Variants in NAALADL2 observed in about 807,000 individuals in gnomAD.
The protein encoded by NAALADL2 is N-acetylated alpha-linked acidic dipeptidase like 2, also known as inactive N-acetylated-alpha-linked acidic dipeptidase-like protein 2.
Under a neutral mutation model 87.2 loss-of-function variants are expected in NAALADL2, and 76 were observed. The ratio of observed to expected loss-of-function variants is 0.87; its 90% CI spans 0.72 to 1.05. NAALADL2 has a LOEUF of 1.05. Among genes scored for constraint, NAALADL2 ranks in the 50% least tolerant of loss-of-function variants. The pLI is 0.00. For missense variants in NAALADL2, 1,089 were observed against 945.8 expected, an observed-to-expected ratio of 1.15 and a Z score of -1.99; for synonymous variants, 354 against 331.0, an observed-to-expected ratio of 1.07 and a Z score of -0.75.
At chr3:174,939,101 G>A (rs1241082813) in intron 1 of NAALADL2, among the ~76,000 whole-genome samples, 1 of 152,042 alleles carries the variant, frequency 6.6e-6, no homozygotes, top group Non-Finnish European at 1.5e-5. Context: ...ATCCAGGATG[G>A]TATTGCCTAG....
chr3:175,486,245 C>T (rs1343014145), intron 9 of NAALADL2, among the ~76,000 whole-genome samples: 1 of 152,162 alleles, frequency 6.6e-6, no homozygotes, highest in African/African-American at 2.4e-5. Flanking sequence ...AAGGGAATAA[C>T]ATATTACCTT....
At chr3:174,463,143 G>A (rs1053410554) in intron 1 of NAALADL2, among the ~76,000 whole-genome samples, 1 of 152,196 alleles carries the variant, frequency 6.6e-6, no homozygotes, top group Non-Finnish European at 1.5e-5. Context: ...ATCTGCAGGG[G>A]AGGTTTGCAG....
intron 13 of NAALADL2, among the ~76,000 whole-genome samples, chr3:175,756,539 G>A (rs1747283687): frequency 6.6e-6 from 1 of 152,088 alleles, no homozygotes; most frequent in Non-Finnish European, 1.5e-5. Flanking sequence ...GGATAGAGCT[G>A]GAGGCCATTA....
intron 9 of NAALADL2, among the ~76,000 whole-genome samples, chr3:175,541,292 G>A (rs2149469264): frequency 6.6e-6 from 1 of 152,276 alleles, no homozygotes; most frequent in South Asian, 2.1e-4. Context: ...CTCAATTTAT[G>A]ATGGAGTTAT....
chr3:174,558,745 T>C (rs1378761268), intron 2 of NAALADL2, among the ~76,000 whole-genome samples: 4 of 152,142 alleles, frequency 2.6e-5, no homozygotes, highest in African/African-American at 9.7e-5. Flanking sequence ...TAACAGGCCA[T>C]GGACTGATCC....
chr3:175,131,406 C>T (rs1315914394), intron 2 of NAALADL2, among the ~76,000 whole-genome samples: 5 of 152,060 alleles, frequency 3.3e-5, no homozygotes, highest in East Asian at 3.9e-4. Context: ...CATCTTGCAC[C>T]GCCCTTAATC....
intron 1 of NAALADL2, among the ~76,000 whole-genome samples, chr3:174,926,489 A>G (rs769919450): frequency 1.3e-5 from 2 of 152,232 alleles, no homozygotes; most frequent in African/African-American, 2.4e-5. Flanking sequence ...GAAGCCCATC[A>G]GACTAACAGT....
intron 2 of NAALADL2, among the ~76,000 whole-genome samples, chr3:174,564,296 A>G (rs887852180): frequency 3.3e-5 from 5 of 152,084 alleles, no homozygotes; most frequent in African/African-American, 1.2e-4. Context: ...ATCCTTTGGG[A>G]AAAAACATGC....
Position 175,804,776 on chromosome 3 carries a change from G to A in NAALADL2, c.*1573G>A, listed in dbSNP as rs940180747. The A allele has an allele frequency of 6.6e-6, 1 of 151,694 alleles. No homozygotes were observed. Among genetic ancestry groups the A allele is most frequent in the African/African-American group, 2.4e-5 (1 of 41,326 alleles). 9.4% of individuals were successfully genotyped at this position (151,694 alleles called of 1,614,324 possible). A position where few individuals can be genotyped will look rare whatever the true frequency, so the allele number is the denominator to read the frequency against. ...CAATACTGATTAATTGATTTATAAG[G>A]TTCAACACTGTCTACCCTAAATAAT... On this transcript the variant is annotated 3_prime_UTR_variant, in exon 14 of 14. Coordinates refer to ENST00000454872, the MANE Select transcript of NAALADL2 (RefSeq NM_207015.3).
intron 9 of NAALADL2, among the ~76,000 whole-genome samples, chr3:175,484,898 T>C (rs1356552170): frequency 6.6e-6 from 1 of 152,152 alleles, no homozygotes; most frequent in African/African-American, 2.4e-5. Context: ...TTCTTATCAG[T>C]GTGCTCTTTG....
chr3:175,013,162 A>AT (rs1430502994), intron 1 of NAALADL2, among the ~76,000 whole-genome samples: 7 of 126,964 alleles, frequency 5.5e-5, no homozygotes, highest in South Asian at 2.3e-4. Flanking sequence ...TTTATATATA[A>AT]ATATGTAATA....
At chr3:174,554,412 A>G (rs1253571808) in intron 2 of NAALADL2, among the ~76,000 whole-genome samples, 1 of 151,908 alleles carries the variant, frequency 6.6e-6, no homozygotes, top group Admixed American at 6.6e-5. Flanking sequence ...TTGAACATCG[A>G]CACCCCTTTC....
At chr3:174,591,981 G>A (rs940945076) in intron 2 of NAALADL2, among the ~76,000 whole-genome samples, 17 of 152,162 alleles carry the variant, frequency 1.1e-4, no homozygotes, top group African/African-American at 3.9e-4. Context: ...TGGCAGAAAT[G>A]ACTTATAAAC....
At chr3:175,382,752 A>G (rs1338039451) in intron 5 of NAALADL2, among the ~76,000 whole-genome samples, 1 of 151,726 alleles carries the variant, frequency 6.6e-6, no homozygotes, top group African/African-American at 2.4e-5. Context: ...TTTGTATTAT[A>G]GCCCTCTAGG....
intron 2 of NAALADL2, among the ~76,000 whole-genome samples, chr3:175,160,125 C>A (rs1732931701): frequency 6.6e-6 from 1 of 151,430 alleles, no homozygotes; most frequent in Admixed American, 6.6e-5. Context: ...AATTGTGAGT[C>A]ACTTTGTCAG....
chr3:174,704,528 C>T (rs143516836), intron 2 of NAALADL2, among the ~76,000 whole-genome samples: 1 of 151,248 alleles, frequency 6.6e-6, no homozygotes, highest in Non-Finnish European at 1.5e-5. Flanking sequence ...GTTCATAATA[C>T]CAAAATAACT....
intron 9 of NAALADL2, among the ~76,000 whole-genome samples, chr3:175,509,518 T>G (rs1038749870): frequency 2.0e-5 from 3 of 152,242 alleles, no homozygotes; most frequent in Admixed American, 1.3e-4. Context: ...CACTCCTTTT[T>G]TGTGTATATT....
At chr3:175,304,561 G>T (rs781158698) in intron 4 of NAALADL2, among the ~76,000 whole-genome samples, 1 of 152,098 alleles carries the variant, frequency 6.6e-6, no homozygotes, top group East Asian at 1.9e-4. Flanking sequence ...GGCCTTTCCT[G>T]TGGCAGTCTC....
chr3:174,934,566 C>T (rs1289355536), intron 1 of NAALADL2, among the ~76,000 whole-genome samples: 1 of 151,988 alleles, frequency 6.6e-6, no homozygotes, highest in Admixed American at 6.6e-5. Context: ...AATCCCAGCA[C>T]TTTGGGAGGC....
Sources: allele counts gnomAD v4.1 joint callset (sites outside exome capture counted in the v4.1 genomes callset), GRCh38; gene constraint gnomAD v4.1.1; transcripts MANE v1.5; gene names NCBI Gene and HGNC (gene_info 2026-07-23, HGNC 2026-07-21).